SLC9C1: variants seen among roughly 807,000 people sequenced by gnomAD.
The protein encoded by SLC9C1 is solute carrier family 9 member C1, also known as sodium/hydrogen exchanger 10.
In SLC9C1, 97 loss-of-function variants were observed where a neutral mutation model predicts 140.9. That is an observed-to-expected ratio of 0.69 (90% CI 0.58 to 0.82). The LOEUF (loss-of-function observed/expected upper bound fraction) is 0.82, where lower values mean the gene tolerates loss of function less well. Among genes scored for constraint, SLC9C1 ranks in the 40% least tolerant of loss-of-function variants. The pLI is 0.00. For synonymous variants in SLC9C1, 440 were observed against 442.6 expected (o/e 0.99, Z 0.07); for missense variants, 1,340 against 1,389.3 (o/e 0.96, Z 0.56).
chr3:112,220,456 ATAAGCT>A (rs1191334389), intron 14 of SLC9C1, among the ~76,000 whole-genome samples: 1 of 152,204 alleles, frequency 6.6e-6, no homozygotes, highest in African/African-American at 2.4e-5. Context: ...GACTCTGGAA[ATAAGCT>A]TAGGACAATT....
At chr3:112,222,339 A>G (rs932411082) in intron 13 of SLC9C1, among the ~76,000 whole-genome samples, 14 of 152,192 alleles carry the variant, frequency 9.2e-5, no homozygotes, top group African/African-American at 3.4e-4. Context: ...ATGAAAATAT[A>G]TCTAAAATTA....
Position 112,235,382 on chromosome 3 carries a change from G to A in SLC9C1, c.1447-3896C>T, listed in dbSNP as rs1249139619. ...GCTTAAGGAGATTTTGGGCTGAGAC[G>A]ATGGGGTTTTCTAAATATACAATCA... On this transcript the variant is annotated intron_variant, in intron 12 of 28. Transcript: ENST00000305815. Among the ~76,000 whole-genome samples the A allele has an allele frequency of 3.9e-4, 59 of 150,278 alleles. 1 individual carries two copies. The highest frequency in any genetic ancestry group is 2.0e-3 in the East Asian group (10 of 5,122).
chr3:112,214,386 C>A (rs1003975920), intron 15 of SLC9C1, among the ~76,000 whole-genome samples: 1 of 151,878 alleles, frequency 6.6e-6, no homozygotes, highest in Non-Finnish European at 1.5e-5. Context: ...GATAGAGACA[C>A]GAAAAACCGT....
intron 16 of SLC9C1, among the ~76,000 whole-genome samples, chr3:112,204,740 C>G (rs1309198366): frequency 6.6e-6 from 1 of 151,848 alleles, no homozygotes; most frequent in Non-Finnish European, 1.5e-5. Context: ...AAACAAGTTG[C>G]CCTAAATGCC....
intron 28 of SLC9C1, chr3:112,147,412 G>A (rs2074832523): frequency 3.6e-6 from 1 of 275,614 alleles, no homozygotes; most frequent in Non-Finnish European, 7.4e-6. Flanking sequence ...AGTTTTTGTG[G>A]TAGCAGTTGC....
chr3:112,197,278 T>G (rs558039565), intron 20 of SLC9C1, among the ~76,000 whole-genome samples: 3 of 152,278 alleles, frequency 2.0e-5, no homozygotes, highest in South Asian at 4.1e-4. Flanking sequence ...AAAAAAGTGT[T>G]GGCCCTTTAA....
At chr3:112,185,072 T>TG (rs1265466311) in intron 20 of SLC9C1, among the ~76,000 whole-genome samples, 1 of 151,878 alleles carries the variant, frequency 6.6e-6, no homozygotes, top group Non-Finnish European at 1.5e-5. Flanking sequence ...CCAGCAATAG[T>TG]GGGACAGGAG....
Position 112,213,276 on chromosome 3 carries a change from T to C in SLC9C1, c.1790+4166A>G, listed in dbSNP as rs184070809. On this transcript the variant is annotated intron_variant, in intron 15 of 28. Coordinates refer to ENST00000305815, the MANE Select transcript of SLC9C1 (RefSeq NM_183061.3). The stretch of plus-strand genomic sequence containing the variant: ...CAAGCCAAATTGTAAAGACCATCTA[T>C]GCTAGGAAGAAACTGCATCAACTAA... 3.0e-4 allele frequency among the ~76,000 whole-genome samples: 46 copies of C among 152,236 alleles called. 1 individual carries two copies. In the East Asian group the frequency reaches 8.3e-3, roughly 27 times the overall value.
intron 14 of SLC9C1, among the ~76,000 whole-genome samples, chr3:112,218,943 C>T (rs1023572463): frequency 6.6e-6 from 1 of 152,074 alleles, no homozygotes; most frequent in Non-Finnish European, 1.5e-5. Context: ...GCTTTGAATC[C>T]CAACTCTGTA....
intron 12 of SLC9C1, among the ~76,000 whole-genome samples, chr3:112,237,951 C>T (rs9859366): frequency 0.3 from 45,295 of 151,814 alleles, 6,973 homozygotes; most frequent in East Asian, 0.36. Flanking sequence ...TTGCTCTTCT[C>T]GAGAAGTATC....
chr3:112,173,160 A>G (rs1358703123), intron 23 of SLC9C1, among the ~76,000 whole-genome samples: 1 of 152,220 alleles, frequency 6.6e-6, no homozygotes, highest in Non-Finnish European at 1.5e-5. Flanking sequence ...ACTCATCAGT[A>G]AAACCATCTG....
intron 26 of SLC9C1, among the ~76,000 whole-genome samples, chr3:112,163,048 T>G (rs1414634092): frequency 1.1e-5 from 1 of 88,450 alleles, no homozygotes; most frequent in African/African-American, 4.6e-5. Flanking sequence ...GATTTTCTAG[T>G]TTATTTGCGT....
At chr3:112,168,055 A>C (rs2077172948) in intron 25 of SLC9C1, among the ~76,000 whole-genome samples, 1 of 152,154 alleles carries the variant, frequency 6.6e-6, no homozygotes. Context: ...TCTTATGTCC[A>C]AAATCTACCC....
rs754879976 is a variant in SLC9C1, at chr3:112,180,652, T to G, written c.2660A>C (p.Lys887Thr). ...ATTTCCACAATCAAATGTTACAACTTTGGCTTTTTCCTAAAAGATACCACC... is the reference window on the plus strand; with the variant it reads ...ATTTCCACAATCAAATGTTACAACTGTGGCTTTTTCCTAAAAGATACCACC... ...DYINFIQEKA[K>T]VVTFDCGNDI... Residue 887 changes from lysine to threonine, a missense_variant, in exon 22 of 29, where the codon AAA (lysine) becomes ACA (threonine). Coordinates refer to ENST00000305815, the MANE Select transcript of SLC9C1 (RefSeq NM_183061.3). 21 of 1,612,752 alleles carry G rather than the reference T, an allele frequency of 1.3e-5. No individual in the cohort carries two copies. The highest frequency in any genetic ancestry group is 1.7e-5 in the Admixed American group (1 of 59,816).
At chr3:112,200,674 A>C in intron 19 of SLC9C1, 37 bp downstream of exon 19, 1 of 1,583,134 alleles carries the variant, frequency 6.3e-7, no homozygotes, top group Non-Finnish European at 8.6e-7. Context: ...GGTGATGATA[A>C]GAGATGGTCA....
chr3:112,262,384 A>C (rs2079797761), intron 10 of SLC9C1, among the ~76,000 whole-genome samples: 2 of 151,872 alleles, frequency 1.3e-5, no homozygotes, highest in Non-Finnish European at 2.9e-5. Flanking sequence ...AAAAAAAAAA[A>C]CCCAGATGAT....
At chr3:112,258,919 G>GA (rs1559724569) in intron 10 of SLC9C1, among the ~76,000 whole-genome samples, 8 of 152,064 alleles carry the variant, frequency 5.3e-5, no homozygotes, top group Admixed American at 2.6e-4. Context: ...GGAGAGAGAG[G>GA]GAGTCAAAGG....
chr3:112,221,574 TA>T (rs532799033), intron 13 of SLC9C1, among the ~76,000 whole-genome samples: 10 of 151,230 alleles, frequency 6.6e-5, no homozygotes, highest in East Asian at 1.9e-4. Context: ...AAACCTACAG[TA>T]AAAAAAAATC....
intron 10 of SLC9C1, among the ~76,000 whole-genome samples, chr3:112,246,713 G>C (rs2079295411): frequency 1.3e-5 from 2 of 152,128 alleles, no homozygotes; most frequent in African/African-American, 4.8e-5. Flanking sequence ...GAGGACACTT[G>C]GTTTCCTCAC....
Sources: allele counts gnomAD v4.1 joint callset (sites outside exome capture counted in the v4.1 genomes callset), GRCh38; gene constraint gnomAD v4.1.1; transcripts MANE v1.5; gene names NCBI Gene and HGNC (gene_info 2026-07-23, HGNC 2026-07-21).